The following FHIT variants were observed in gnomAD, a reference collection of about 807,000 sequenced individuals.
FHIT encodes bis(5'-adenosyl)-triphosphatase.
FHIT carries 19 observed loss-of-function variants against 17.9 expected under a neutral mutation model. The observed-to-expected ratio is 1.06, with a 90% CI of 0.74 to 1.56. FHIT has a LOEUF of 1.56. FHIT is among the 40% of genes most tolerant of loss of function. The probability of loss-of-function intolerance (pLI) is 0.00; values close to 1 mark genes in which losing one functional copy is unlikely to be tolerated. For synonymous variants in FHIT, 81 were observed against 69.7 expected, an observed-to-expected ratio of 1.16 and a Z score of -0.81; for missense variants, 248 against 189.2, an observed-to-expected ratio of 1.31 and a Z score of -1.82.
chr3:60,727,345 G>T (rs189902677), intron 4 of FHIT, among the ~76,000 whole-genome samples: 276 of 152,178 alleles, frequency 1.8e-3, no homozygotes, highest in Admixed American at 3.2e-3. Flanking sequence ...TCAGTGTATC[G>T]AAATGTTAAT....
At chr3:60,017,110 C>A (rs115101061) in intron 5 of FHIT, among the ~76,000 whole-genome samples, 2 of 152,318 alleles carry the variant, frequency 1.3e-5, no homozygotes, top group Non-Finnish European at 2.9e-5. Context: ...GCTTTCATGA[C>A]TCCATTTTTG....
At chr3:60,357,545 C>T (rs1281461293) in intron 5 of FHIT, among the ~76,000 whole-genome samples, 1 of 152,058 alleles carries the variant, frequency 6.6e-6, no homozygotes, top group African/African-American at 2.4e-5. Flanking sequence ...ACGCCCGGCC[C>T]AATATCACTT....
At chr3:60,307,658 G>A (rs183389445) in intron 5 of FHIT, among the ~76,000 whole-genome samples, 27 of 152,262 alleles carry the variant, frequency 1.8e-4, no homozygotes, top group Admixed American at 1.6e-3. Flanking sequence ...TTGCATTGTT[G>A]TTTTGTTCCC....
At chr3:60,638,897 G>T (rs1228368427) in intron 4 of FHIT, among the ~76,000 whole-genome samples, 1 of 150,918 alleles carries the variant, frequency 6.6e-6, no homozygotes, top group African/African-American at 2.4e-5. Context: ...GGGAATGGAG[G>T]GCTTTCCTTA....
At chr3:61,151,775 C>T (rs2037400224) in intron 2 of FHIT, among the ~76,000 whole-genome samples, 1 of 151,954 alleles carries the variant, frequency 6.6e-6, no homozygotes, top group African/African-American at 2.4e-5. Flanking sequence ...ACCATGTTGG[C>T]CAGGCTGGTC....
chr3:60,831,446 A>G (rs1337854079), intron 3 of FHIT, among the ~76,000 whole-genome samples: 1 of 152,172 alleles, frequency 6.6e-6, no homozygotes, highest in African/African-American at 2.4e-5. Flanking sequence ...TTCTTCTAAA[A>G]TCTTCACTAA....
At chr3:60,475,544 CTGGAG>C (rs1386661589) in intron 5 of FHIT, among the ~76,000 whole-genome samples, 1 of 152,168 alleles carries the variant, frequency 6.6e-6, no homozygotes, top group Non-Finnish European at 1.5e-5. Context: ...GATGTAGGCA[CTGGAG>C]GGGCTACAAC....
At chr3:60,127,268 CT>C (rs1705596268) in intron 5 of FHIT, among the ~76,000 whole-genome samples, 1 of 152,182 alleles carries the variant, frequency 6.6e-6, no homozygotes, top group Non-Finnish European at 1.5e-5. Flanking sequence ...GTACCCAGAC[CT>C]TTAGATAATT....
chr3:59,884,554 C>T (rs186344475), intron 8 of FHIT, among the ~76,000 whole-genome samples: 28 of 152,216 alleles, frequency 1.8e-4, no homozygotes, highest in African/African-American at 1.7e-4. Flanking sequence ...GTTGAAGTTC[C>T]GTAAAACCAT....
Position 61,036,901 on chromosome 3 carries a change from G to GTTTTTTT in FHIT, c.-111+5139_-111+5145dup, listed in dbSNP as rs746649804. Among the ~76,000 whole-genome samples, 54 of 70,290 alleles carry GTTTTTTT rather than the reference G, an allele frequency of 7.7e-4. 3 individuals are homozygous for GTTTTTTT. The highest frequency in any genetic ancestry group is 1.2e-3 in the African/African-American group (39 of 31,314). 46.1% of individuals were successfully genotyped at this position (70,290 alleles called of 152,430 possible). On this transcript the variant is annotated intron_variant, in intron 3 of 9. Transcript: ENST00000492590. ...TTCACCTCAAAGATCAGTCTGCTTT[G>GTTTTTTT]TTTTTTTTTTTTGTTTGTTTGTTTT...
intron 5 of FHIT, among the ~76,000 whole-genome samples, chr3:60,076,513 G>A (rs1703014580): frequency 6.6e-6 from 1 of 152,032 alleles, no homozygotes; most frequent in Non-Finnish European, 1.5e-5. Flanking sequence ...AGAGCTTTCA[G>A]AAGGATTCTT....
intron 5 of FHIT, among the ~76,000 whole-genome samples, chr3:60,072,337 C>A (rs576056563): frequency 6.6e-6 from 1 of 152,138 alleles, no homozygotes; most frequent in Non-Finnish European, 1.5e-5. Context: ...AAGAACATCA[C>A]GCAAGGTGTC....
In FHIT at chr3:60,293,123, A is replaced by G. The variant is rs190137439; in HGVS notation, c.103+243737T>C. Among the ~76,000 whole-genome samples, 158 of 152,314 alleles carry G rather than the reference A, an allele frequency of 1.0e-3. 5 individuals carry two copies. The highest frequency in any genetic ancestry group is 1.3e-3 in the Admixed American group (20 of 15,286). ...TAATCTAGAGATGATGTTCAAATAT[A>G]GTATAATATACACCTTGGTTTATAG... On this transcript the variant is annotated intron_variant, in intron 5 of 9. Coordinates refer to ENST00000492590, the MANE Select transcript of FHIT (RefSeq NM_002012.4).
intron 3 of FHIT, among the ~76,000 whole-genome samples, chr3:60,993,296 C>T (rs2030406138): frequency 6.6e-6 from 1 of 152,220 alleles, no homozygotes. Flanking sequence ...CTGGGTATTA[C>T]AAATCACAGT....
intron 3 of FHIT, among the ~76,000 whole-genome samples, chr3:60,923,047 G>A (rs1707368213): frequency 6.6e-6 from 1 of 152,194 alleles, no homozygotes; most frequent in African/African-American, 2.4e-5. Flanking sequence ...AGCTCAACTA[G>A]TGTGGTAGAT....
chr3:59,975,949 C>A (rs1708391358), intron 7 of FHIT, among the ~76,000 whole-genome samples: 1 of 152,074 alleles, frequency 6.6e-6, no homozygotes, highest in Admixed American at 6.6e-5. Context: ...CTCCCCTGTA[C>A]TAGAATGCTC....
chr3:60,675,236 A>G (rs2040594729), intron 4 of FHIT, among the ~76,000 whole-genome samples: 1 of 152,336 alleles, frequency 6.6e-6, no homozygotes, highest in East Asian at 1.9e-4. Flanking sequence ...GTGGCTTGAA[A>G]ACTAAAATGC....
intron 3 of FHIT, among the ~76,000 whole-genome samples, chr3:60,930,164 T>C (rs1164304526): frequency 1.3e-5 from 2 of 151,940 alleles, no homozygotes; most frequent in Non-Finnish European, 2.9e-5. Context: ...GCTAGCCATA[T>C]GTAGAAAGCT....
chr3:59,925,635 T>C (rs915002963), intron 7 of FHIT, among the ~76,000 whole-genome samples: 1 of 152,174 alleles, frequency 6.6e-6, no homozygotes, highest in Non-Finnish European at 1.5e-5. Flanking sequence ...CACTAAGTTC[T>C]AGAAAAGCCA....
Sources: allele counts gnomAD v4.1 joint callset (sites outside exome capture counted in the v4.1 genomes callset), GRCh38; gene constraint gnomAD v4.1.1; transcripts MANE v1.5; gene names NCBI Gene and HGNC (gene_info 2026-07-23, HGNC 2026-07-21).